Variants in TFEC observed in about 807,000 individuals in gnomAD.
TFEC encodes class E basic helix-loop-helix protein 34.
Under a neutral mutation model 41.6 loss-of-function variants are expected in TFEC, and 31 were observed. The ratio of observed to expected loss-of-function variants is 0.74; its 90% confidence interval spans 0.56 to 1.01. The LOEUF (loss-of-function observed/expected upper bound fraction) is 1.01. Ranked by LOEUF, TFEC falls within the 50% of genes least tolerant of loss-of-function variation. The pLI is 0.00. For synonymous variants in TFEC, 143 were observed against 140.6 expected (o/e 1.02, Z -0.12); for missense variants, 402 against 404.1 (o/e 0.99, Z 0.04).
At chr7:115,949,607 C>T (rs1167777067) in intron 6 of TFEC, among the ~76,000 whole-genome samples, 1 of 151,898 alleles carries the variant, frequency 6.6e-6, no homozygotes, top group Non-Finnish European at 1.5e-5. Flanking sequence ...GGAAAGGATT[C>T]CCTATTTAAT....
At chr7:116,059,137 G>C (rs73220438) in intron 3 of TFEC, among the ~76,000 whole-genome samples, 27,133 of 151,746 alleles carry the variant, frequency 0.18, 2,475 homozygotes, top group East Asian at 0.32. Context: ...ATCATAAAGA[G>C]AGGGAAATAC....
At chr7:116,140,287 T>G (rs1484248460) in intron 1 of TFEC, among the ~76,000 whole-genome samples, 1 of 152,240 alleles carries the variant, frequency 6.6e-6, no homozygotes, top group Non-Finnish European at 1.5e-5. Flanking sequence ...GAAGAGGGTC[T>G]ACTCTTTGTT....
chr7:116,152,899 A>C (rs963500327), intron 1 of TFEC, among the ~76,000 whole-genome samples: 2 of 152,200 alleles, frequency 1.3e-5, no homozygotes, highest in African/African-American at 4.8e-5. Flanking sequence ...GAGAGGGAGA[A>C]AAATCATTCA....
intron 3 of TFEC, among the ~76,000 whole-genome samples, chr7:116,056,933 CAT>C (rs1241033584): frequency 6.6e-6 from 1 of 151,844 alleles, no homozygotes; most frequent in East Asian, 1.9e-4. Flanking sequence ...AACTGTATTC[CAT>C]ATGTTTAGAA....
intron 3 of TFEC, among the ~76,000 whole-genome samples, chr7:115,970,722 G>A (rs1464449140): frequency 1.3e-5 from 2 of 151,818 alleles, no homozygotes; most frequent in Admixed American, 6.6e-5. Flanking sequence ...TATTCACATA[G>A]GAGCTAGTTA....
rs771511930 is a variant in TFEC, at chr7:115,956,792, A to G, written c.269T>C (p.Leu90Ser). ...ADSPLLMQRT[L>S]SGSILDVYSG... ...ATACACATCCAAAATACTTCCAGAT[A>G]ACTTGAGAGGAAAAAGGAAGAAAAG... Residue 90 changes from leucine (L) to serine (S), a missense_variant and splice_region_variant, in exon 4 of 8, where the codon TTA becomes TCA. Coordinates refer to ENST00000265440, the MANE Select transcript of TFEC (RefSeq NM_012252.4). The G allele has an allele frequency of 1.9e-6, 3 of 1,560,498 alleles. No homozygotes were observed. The highest frequency in any genetic ancestry group is 3.6e-5 in the Admixed American group (2 of 54,932).
intron 1 of TFEC, among the ~76,000 whole-genome samples, chr7:116,138,727 C>A (rs1798483169): frequency 6.6e-6 from 1 of 152,142 alleles, no homozygotes; most frequent in Non-Finnish European, 1.5e-5. Context: ...ACTCTTAACA[C>A]AACTTTTAAT....
chr7:116,052,489 C>T (rs372205293), intron 3 of TFEC, among the ~76,000 whole-genome samples: 5 of 151,970 alleles, frequency 3.3e-5, no homozygotes, highest in East Asian at 2.0e-4. Context: ...AGTGCAGTGG[C>T]GCAATCTCGG....
At chr7:116,120,450 CAG>C (rs2116204381) in intron 1 of TFEC, 1 of 151,974 alleles carries the variant, frequency 6.6e-6, no homozygotes, top group Non-Finnish European at 1.5e-5. Flanking sequence ...GTTGGAAAGA[CAG>C]AATTTCATGC....
chr7:115,954,202 C>T (rs2130390643), intron 5 of TFEC, among the ~76,000 whole-genome samples: 1 of 152,134 alleles, frequency 6.6e-6, no homozygotes, highest in South Asian at 2.1e-4. Context: ...AGCAAATTGA[C>T]ACAGAAAAAT....
intron 3 of TFEC, among the ~76,000 whole-genome samples, chr7:115,965,365 G>A (rs1034468992): frequency 4.0e-5 from 6 of 151,580 alleles, no homozygotes; most frequent in African/African-American, 1.5e-4. Context: ...CATGTAGAAT[G>A]ATTCTATACA....
In TFEC at chr7:116,048,798, C is replaced by T. The variant is rs1478210424; in HGVS notation, c.198+61910G>A. 2.0e-5 allele frequency among the ~76,000 whole-genome samples: 3 copies of T among 152,216 alleles called. No homozygotes were observed. In the East Asian group the frequency reaches 5.8e-4, roughly 29 times the overall value. On this transcript the variant is annotated intron_variant, in intron 3 of 8. Coordinates refer to the TFEC transcript ENST00000484212. Reference sequence around the variant, plus strand: ...AGTGGATCTCTCAGCAGAAACTCTACAAGCCAGAAGAGAGTGGGGGCCAAT... The same window carrying T: ...AGTGGATCTCTCAGCAGAAACTCTATAAGCCAGAAGAGAGTGGGGGCCAAT...
chr7:116,092,556 G>A (rs897942425), intron 3 of TFEC, among the ~76,000 whole-genome samples: 1 of 152,136 alleles, frequency 6.6e-6, no homozygotes, highest in African/African-American at 2.4e-5. Context: ...AACACTCAAT[G>A]TTTAAGAAGG....
chr7:116,156,798 T>C (rs1562990095), intron 1 of TFEC, among the ~76,000 whole-genome samples: 2 of 152,184 alleles, frequency 1.3e-5, no homozygotes, highest in Non-Finnish European at 2.9e-5. Context: ...ATTCATACCT[T>C]CATCTCCTCA....
chr7:116,051,576 T>C (rs1796313131), intron 3 of TFEC, among the ~76,000 whole-genome samples: 1 of 152,186 alleles, frequency 6.6e-6, no homozygotes, highest in Non-Finnish European at 1.5e-5. Context: ...ATATCATATT[T>C]TGTGTCAATA....
chr7:116,002,610 G>A lies in TFEC; in HGVS notation c.-72-18097C>T, dbSNP rs144744257. 8.5e-5 allele frequency among the ~76,000 whole-genome samples: 13 copies of A among 152,166 alleles called. No homozygotes were observed. The East Asian group carries it at 2.5e-3, about 29-fold the overall frequency. On this transcript the variant is annotated intron_variant, in intron 1 of 7. Coordinates refer to ENST00000265440, the MANE Select transcript of TFEC (RefSeq NM_012252.4). ...AATGAATAAGATCTAGTGTTTTATG[G>A]CACAACAGGGTGACTATGGTCAACA...
At chr7:115,951,915 A>G (rs571153431) in intron 5 of TFEC, among the ~76,000 whole-genome samples, 33 of 152,242 alleles carry the variant, frequency 2.2e-4, no homozygotes, top group Non-Finnish European at 3.1e-4. Flanking sequence ...CCTAATATCA[A>G]GAACCATAAC....
intron 7 of TFEC, 90 bp from the exon 8 acceptor site, chr7:115,941,021 C>T: frequency 8.0e-7 from 1 of 1,242,784 alleles, no homozygotes; most frequent in South Asian, 1.6e-5. Context: ...AAAATATTAA[C>T]AAGCATTTAA....
intron 6 of TFEC, among the ~76,000 whole-genome samples, chr7:115,950,541 A>C (rs1791880199): frequency 6.6e-6 from 1 of 152,126 alleles, no homozygotes; most frequent in African/African-American, 2.4e-5. Flanking sequence ...TATACTCATA[A>C]AAATTGAATA....
Sources: allele counts gnomAD v4.1 joint callset (sites outside exome capture counted in the v4.1 genomes callset), GRCh38; gene constraint gnomAD v4.1.1; transcripts MANE v1.5; gene names NCBI Gene and HGNC (gene_info 2026-07-23, HGNC 2026-07-21).